Variants in TNRC18 observed in about 807,000 individuals in gnomAD.
TNRC18 encodes trinucleotide repeat-containing gene 18 protein.
A neutral mutation model predicts 226.7 loss-of-function variants in TNRC18; 69 were observed. That is an observed-to-expected ratio of 0.30 (90% CI 0.25 to 0.37). TNRC18 has a LOEUF of 0.37. Among genes scored for constraint, TNRC18 ranks in the 10% least tolerant of loss-of-function variants. TNRC18 has a pLI of 1.00. For missense variants in TNRC18, 4,754 were observed against 4,256.6 expected, an observed-to-expected ratio of 1.12 and a Z score of -3.25; for synonymous variants, 2,449 against 1,927.6, an observed-to-expected ratio of 1.27 and a Z score of -7.09.
rs755538154 is a variant in TNRC18 at position 5,388,290 on chromosome 7, G to A, written c.1534C>T (p.Pro512Ser). The A allele has an allele frequency of 1.3e-6, 2 of 1,539,690 alleles. No homozygotes were observed. The highest frequency in any genetic ancestry group is 1.1e-5 in the South Asian group (1 of 89,694). ...GCGGCGAAGTTGCCCAGCTCGAAGGGTTTCCATTTATGCTCAGGGCCGGTG... is the reference window on the plus strand; with the variant it reads ...GCGGCGAAGTTGCCCAGCTCGAAGGATTTCCATTTATGCTCAGGGCCGGTG... ...PPTGPEHKWK[P>S]FELGNFAATQ... Residue 512 changes from proline (P) to serine (S), a missense_variant, in exon 5 of 30, where the codon CCC becomes TCC. By Grantham distance (74) the Pro-to-Ser change is moderately conservative. Transcript: ENST00000430969.
chr7:5,410,241 G>A (rs1282210244), intron 2 of TNRC18, among the ~76,000 whole-genome samples: 1 of 148,952 alleles, frequency 6.7e-6, no homozygotes, highest in African/African-American at 2.5e-5. Flanking sequence ...AACCCAAGAG[G>A]CAGAGGTTGC....
At chr7:5,352,133 G>T in intron 16 of TNRC18, 39 bp from the exon 17 acceptor site, 1 of 1,548,318 alleles carries the variant, frequency 6.5e-7, no homozygotes. Flanking sequence ...TAAGTCACAG[G>T]GCAGCAGGAG....
At chr7:5,399,365 C>T (rs958175179) in intron 2 of TNRC18, among the ~76,000 whole-genome samples, 1 of 152,190 alleles carries the variant, frequency 6.6e-6, no homozygotes, top group Non-Finnish European at 1.5e-5. Context: ...GCCTACTCAC[C>T]CCAGTTATTA....
At chr7:5,322,832 T>C (rs1453670423) in intron 21 of TNRC18, among the ~76,000 whole-genome samples, 4 of 152,208 alleles carry the variant, frequency 2.6e-5, no homozygotes, top group Non-Finnish European at 4.4e-5. Context: ...GCCGTATCCC[T>C]GCTGTGCCTG....
rs35392221 is a variant in TNRC18, at chr7:5,411,215, C to CAAA, written c.187+9842_187+9844dup. 5.3e-5 allele frequency among the ~76,000 whole-genome samples: 4 copies of CAAA among 75,974 alleles called. No individual in the cohort carries two copies. In the East Asian group the frequency reaches 1.4e-3, roughly 27 times the overall value. 49.8% of individuals were successfully genotyped at this position (75,974 alleles called of 152,430 possible). A position where few individuals can be genotyped will look rare whatever the true frequency, so the allele number is the denominator to read the frequency against. On this transcript the variant is annotated intron_variant, in intron 2 of 29. Transcript: ENST00000430969. ...TGGGCTACAGAGTGAGACTCCATCT[C>CAAA]AAAAAAAAAAAAAAAAAAGAAAAAA... is the stretch of plus-strand genomic sequence containing the variant.
At chr7:5,375,916 G>GC (rs1794625233) in intron 9 of TNRC18, 118 bp downstream of exon 9, 2 of 1,026,286 alleles carry the variant, frequency 1.9e-6, no homozygotes, top group Non-Finnish European at 2.8e-6. Context: ...CTGACCACCT[G>GC]CCCCTCTGCT....
At chr7:5,422,020 G>C (rs1300397245) in intron 1 of TNRC18, among the ~76,000 whole-genome samples, 1 of 152,138 alleles carries the variant, frequency 6.6e-6, no homozygotes, top group Non-Finnish European at 1.5e-5. Context: ...AACCGCCGAC[G>C]GAATGGTGTT....
chr7:5,420,893 G>T, intron 2 of TNRC18, 167 bp downstream of exon 2: 1 of 874,980 alleles, frequency 1.1e-6, no homozygotes, highest in Non-Finnish European at 1.9e-6. Context: ...CCACCGCCTT[G>T]GCTCCGGGAC....
At chr7:5,361,155 C>A (rs1305075586) in intron 14 of TNRC18, among the ~76,000 whole-genome samples, 3 of 152,186 alleles carry the variant, frequency 2.0e-5, no homozygotes, top group African/African-American at 7.2e-5. Context: ...CCCCAAGTGC[C>A]AGAAGGGGCC....
rs549108764 is a variant in TNRC18 at position 5,389,471 on chromosome 7, T to TTTTTTTTTTTTTTTTTTTC, written c.488-136_488-135insGAAAAAAAAAAAAAAAAAA. On this transcript the variant is annotated intron_variant, in intron 4 of 29. Transcript: ENST00000430969. The stretch of plus-strand genomic sequence containing the variant: ...AGTGTTTTGGTTTTGGTTTTTTTTT[T>TTTTTTTTTTTTTTTTTTTC]CAGAAAGAGTCTCGCTCTCCTCACC... The TTTTTTTTTTTTTTTTTTTC allele has an allele frequency of 1.2e-4, 109 of 927,056 alleles. 2 individuals carry two copies. The highest frequency in any genetic ancestry group is 1.0e-3 in the African/African-American group (53 of 51,872). The allele number at this position is 927,056 out of a possible 1,614,324, so 57.4% of individuals were successfully genotyped here.
At chr7:5,380,974 A>T (rs1449006962) in intron 5 of TNRC18, among the ~76,000 whole-genome samples, 1 of 152,140 alleles carries the variant, frequency 6.6e-6, no homozygotes, top group Non-Finnish European at 1.5e-5. Flanking sequence ...CCGTGCCCCC[A>T]GAAGAGGCAG....
At chr7:5,409,493 G>A (rs1050984683) in intron 2 of TNRC18, among the ~76,000 whole-genome samples, 1 of 151,848 alleles carries the variant, frequency 6.6e-6, no homozygotes, top group African/African-American at 2.4e-5. Context: ...GAGGCAGGAG[G>A]ATCGTTTGAG....
At chr7:5,343,694 C>T (rs549498439) in intron 18 of TNRC18, among the ~76,000 whole-genome samples, 9 of 152,236 alleles carry the variant, frequency 5.9e-5, no homozygotes, top group East Asian at 1.9e-4. Context: ...CCCAAAGTGC[C>T]GGGATTGTAG....
intron 19 of TNRC18, chr7:5,329,837 C>T: frequency 2.2e-6 from 1 of 457,614 alleles, no homozygotes; most frequent in Admixed American, 2.5e-5. Flanking sequence ...TGGGCCTTTC[C>T]CAAGAGTTCC....
chr7:5,357,417 TA>T (rs1323680817), intron 15 of TNRC18, 141 bp from the exon 16 acceptor site: 4 of 973,964 alleles, frequency 4.1e-6, no homozygotes, highest in East Asian at 5.4e-5. Flanking sequence ...CATATATATT[TA>T]TTTTTTTTTT....
At chr7:5,352,221 T>TAG (rs1791905414) in intron 16 of TNRC18, 127 bp from the exon 17 acceptor site, 2 of 980,762 alleles carry the variant, frequency 2.0e-6, no homozygotes, top group Non-Finnish European at 1.5e-6. Flanking sequence ...GAATACCTAG[T>TAG]AGGCGGCCGT....
At chr7:5,346,576 A>G (rs1477950027) in intron 17 of TNRC18, among the ~76,000 whole-genome samples, 2 of 152,198 alleles carry the variant, frequency 1.3e-5, no homozygotes, top group Non-Finnish European at 2.9e-5. Context: ...TGGGAGGCCG[A>G]GGCAGGAGGA....
At chr7:5,350,915 T>C (rs951776391) in intron 17 of TNRC18, among the ~76,000 whole-genome samples, 1 of 152,216 alleles carries the variant, frequency 6.6e-6, no homozygotes, top group Non-Finnish European at 1.5e-5. Flanking sequence ...TCAAAGGCTC[T>C]GGGCCCTGCA....
chr7:5,335,463 C>T (rs2128130168), intron 18 of TNRC18, among the ~76,000 whole-genome samples: 1 of 151,812 alleles, frequency 6.6e-6, no homozygotes, highest in African/African-American at 2.4e-5. Context: ...CAAAAATTAG[C>T]CAGGCATGGT....
Sources: gnomAD v4.1 joint callset for allele counts (sites outside exome capture counted in the v4.1 genomes callset) on GRCh38, gnomAD v4.1.1 for gene constraint, MANE v1.5 for transcripts, NCBI Gene and HGNC (gene_info 2026-07-23, HGNC 2026-07-21) for gene names.